Variants in NDFIP1 observed in about 807,000 individuals in gnomAD.
The protein encoded by NDFIP1 is NEDD4 family-interacting protein 1.
In NDFIP1, 7 loss-of-function variants were observed where a neutral mutation model predicts 28.8. The ratio of observed to expected loss-of-function variants is 0.24; its 90% CI spans 0.14 to 0.46. The LOEUF is 0.46. Among genes scored for constraint, NDFIP1 ranks in the 20% least tolerant of loss-of-function variants. The pLI is 0.99. For missense variants in NDFIP1, 194 were observed against 269.1 expected, an observed-to-expected ratio of 0.72 and a Z score of 1.95; for synonymous variants, 92 against 101.0, an observed-to-expected ratio of 0.91 and a Z score of 0.53.
chr5:142,135,914 A>T (rs944696951), intron 4 of NDFIP1, 97 bp downstream of exon 4: 9 of 765,662 alleles, frequency 1.2e-5, no homozygotes, highest in Non-Finnish European at 1.9e-5. Flanking sequence ...TTGAGCTAAT[A>T]TATTAATACA....
intron 1 of NDFIP1, among the ~76,000 whole-genome samples, chr5:142,116,557 T>TG (rs1757071221): frequency 6.6e-6 from 1 of 151,744 alleles, no homozygotes; most frequent in Non-Finnish European, 1.5e-5. Context: ...TTAGTAGAGG[T>TG]GGGGTTTCAC....
At chr5:142,120,728 G>T (rs1389840938) in intron 1 of NDFIP1, among the ~76,000 whole-genome samples, 1 of 152,210 alleles carries the variant, frequency 6.6e-6, no homozygotes, top group African/African-American at 2.4e-5. Flanking sequence ...CCCCACATCA[G>T]TTGTGGCCTG....
In NDFIP1 at chr5:142,138,530, C is replaced by T. The variant is rs142133251; in HGVS notation, c.495+672C>T. On this transcript the variant is annotated intron_variant, in intron 5 of 7. Transcript: ENST00000253814. ...ACCTTATAAACAAAACCAATTTATC[C>T]GTCATAAATTGGCATACTTAACTAA... is the stretch of plus-strand genomic sequence containing the variant. Among the ~76,000 whole-genome samples, 102 of 152,278 alleles carry T rather than the reference C, an allele frequency of 6.7e-4. 1 individual carries two copies. The highest frequency in any genetic ancestry group is 2.3e-3 in the African/African-American group (97 of 41,556).
chr5:142,139,541 A>C (rs1157556730), intron 5 of NDFIP1, among the ~76,000 whole-genome samples: 1 of 152,208 alleles, frequency 6.6e-6, no homozygotes, highest in Non-Finnish European at 1.5e-5. Flanking sequence ...CTATTTAAAA[A>C]AAAATTTTCT....
At chr5:142,114,976 C>T (rs1218423261) in intron 1 of NDFIP1, among the ~76,000 whole-genome samples, 1 of 152,168 alleles carries the variant, frequency 6.6e-6, no homozygotes, top group African/African-American at 2.4e-5. Context: ...GAAACCAAGG[C>T]CCAGTTGAAC....
chr5:142,150,180 CAAAA>C (rs761699097), intron 7 of NDFIP1, among the ~76,000 whole-genome samples: 2,074 of 79,292 alleles, frequency 0.026, 26 homozygotes, highest in East Asian at 0.095. Flanking sequence ...GACTCCGTCT[CAAAA>C]AAAAAAAAAA....
intron 1 of NDFIP1, among the ~76,000 whole-genome samples, chr5:142,125,986 C>T (rs746256728): frequency 2.0e-5 from 3 of 152,060 alleles, no homozygotes; most frequent in African/African-American, 7.2e-5. Flanking sequence ...CTTATCTTGT[C>T]AGAATTATTT....
chr5:142,149,763 G>A (rs530203514), intron 7 of NDFIP1, among the ~76,000 whole-genome samples: 19 of 152,280 alleles, frequency 1.2e-4, no homozygotes, highest in African/African-American at 4.3e-4. Flanking sequence ...ATCTATTAAA[G>A]CTGTTTACCT....
rs557437815 is a variant in NDFIP1 at position 142,113,978 on chromosome 5, A to G, written c.63+4941A>G. Among the ~76,000 whole-genome samples the G allele has an allele frequency of 3.9e-5, 6 of 152,222 alleles. No individual in the cohort carries two copies. The East Asian group carries it at 9.7e-4, about 24-fold the overall frequency. ...GTTGACGGATGCTTGGTTTGCTTCT[A>G]CCTTTTGGTCATTGTGAGTAATGCT... On this transcript the variant is annotated intron_variant, in intron 1 of 7. Coordinates refer to ENST00000253814, the MANE Select transcript of NDFIP1 (RefSeq NM_030571.4).
intron 1 of NDFIP1, among the ~76,000 whole-genome samples, chr5:142,127,642 A>T (rs1286282126): frequency 6.6e-6 from 1 of 152,140 alleles, no homozygotes; most frequent in Admixed American, 6.6e-5. Flanking sequence ...GTATAGCTGT[A>T]TTTGGAAAAA....
At chr5:142,121,088 A>G (rs1480737508) in intron 1 of NDFIP1, among the ~76,000 whole-genome samples, 1 of 152,198 alleles carries the variant, frequency 6.6e-6, no homozygotes, top group African/African-American at 2.4e-5. Context: ...CAGTGTCTAC[A>G]TTTGATTTCA....
intron 1 of NDFIP1, among the ~76,000 whole-genome samples, chr5:142,130,506 C>T (rs1478611587): frequency 6.6e-6 from 1 of 152,088 alleles, no homozygotes; most frequent in African/African-American, 2.4e-5. Context: ...TTTGTCTTAA[C>T]AGATTATTTT....
intron 4 of NDFIP1, among the ~76,000 whole-genome samples, chr5:142,136,240 T>A (rs1193286698): frequency 6.6e-6 from 1 of 152,224 alleles, no homozygotes; most frequent in Non-Finnish European, 1.5e-5. Context: ...GCCATTTATC[T>A]TTTTGTGTGC....
At chr5:142,134,831 A>G (rs779824156) in intron 3 of NDFIP1, among the ~76,000 whole-genome samples, 4 of 152,186 alleles carry the variant, frequency 2.6e-5, no homozygotes, top group Non-Finnish European at 5.9e-5. Context: ...ATCTGCTGAT[A>G]AGGTTAGAAG....
At chr5:142,149,818 G>A (rs1411541034) in intron 7 of NDFIP1, among the ~76,000 whole-genome samples, 11 of 152,106 alleles carry the variant, frequency 7.2e-5, no homozygotes, top group Admixed American at 3.9e-4. Flanking sequence ...GTAATTGTCC[G>A]TACCATATTG....
rs1757456559 is a variant in NDFIP1 at position 142,152,470 on chromosome 5, A to G, written c.*742A>G. ...AAATGTAATTCTTGACACTCTTTCT[A>G]TAATTAGCGTTCTTCACCCCCACCC... On this transcript the variant is annotated 3_prime_UTR_variant, in exon 8 of 8. Coordinates refer to ENST00000253814, the MANE Select transcript of NDFIP1 (RefSeq NM_030571.4). The G allele has an allele frequency of 6.6e-6, 1 of 152,168 alleles. No homozygotes were observed. Among genetic ancestry groups the G allele is most frequent in the Non-Finnish European group, 1.5e-5 (1 of 68,032 alleles). The allele number at this position is 152,168 out of a possible 1,614,324, so 9.4% of individuals were successfully genotyped here.
chr5:142,138,514 A>T (rs1177536162), intron 5 of NDFIP1, among the ~76,000 whole-genome samples: 1 of 152,222 alleles, frequency 6.6e-6, no homozygotes, highest in Non-Finnish European at 1.5e-5. Context: ...AACCTTATAA[A>T]CAAAACCAAT....
chr5:142,146,985 G>A (rs1431012134), intron 7 of NDFIP1, among the ~76,000 whole-genome samples: 1 of 152,144 alleles, frequency 6.6e-6, no homozygotes, highest in Non-Finnish European at 1.5e-5. Context: ...AGTACTAAGG[G>A]AGATTCAAGT....
Position 142,112,374 on chromosome 5 carries a change from A to G in NDFIP1, c.63+3337A>G, listed in dbSNP as rs1373647240. Among the ~76,000 whole-genome samples, 4 of 148,808 alleles carry G rather than the reference A, an allele frequency of 2.7e-5. No homozygotes were observed. The East Asian group carries it at 8.1e-4, about 30-fold the overall frequency. On this transcript the variant is annotated intron_variant, in intron 1 of 7. Coordinates refer to ENST00000253814, the MANE Select transcript of NDFIP1 (RefSeq NM_030571.4). ...CACTCCTGCCTGGCGACAGAGCAAGACTCTGTTTAAAAAAAAAAGCACGGT... is the reference window on the plus strand; with the variant it reads ...CACTCCTGCCTGGCGACAGAGCAAGGCTCTGTTTAAAAAAAAAAGCACGGT...
Sources: gnomAD v4.1 joint callset for allele counts (sites outside exome capture counted in the v4.1 genomes callset) on GRCh38, gnomAD v4.1.1 for gene constraint, MANE v1.5 for transcripts, NCBI Gene and HGNC (gene_info 2026-07-23, HGNC 2026-07-21) for gene names.